TLN2: variants seen among roughly 807,000 people sequenced by gnomAD.
The protein encoded by TLN2 is talin 2.
In TLN2, 118 loss-of-function variants were observed where a neutral mutation model predicts 294.7. That is an observed-to-expected ratio of 0.40 (90% CI 0.34 to 0.47). The LOEUF (loss-of-function observed/expected upper bound fraction) is 0.47. TLN2 is among the 20% of genes least tolerant of loss of function. The probability of loss-of-function intolerance (pLI) is 0.84; values close to 1 mark genes in which losing one functional copy is unlikely to be tolerated. For synonymous variants in TLN2, 1,431 were observed against 1,304.5 expected (o/e 1.10, Z -2.09); for missense variants, 3,083 against 3,282.2 (o/e 0.94, Z 1.48).
chr15:62,560,906 G>A (rs1329545013), intron 1 of TLN2, among the ~76,000 whole-genome samples: 1 of 152,234 alleles, frequency 6.6e-6, no homozygotes, highest in Non-Finnish European at 1.5e-5. Context: ...GGCAACGAGG[G>A]TGCTGCAGAC....
intron 13 of TLN2, among the ~76,000 whole-genome samples, chr15:62,693,967 T>TTTTTTG (rs2058124819): frequency 2.6e-4 from 1 of 3,866 alleles, no homozygotes; most frequent in African/African-American, 2.9e-4. Flanking sequence ...TTTTTTTTTT[T>TTTTTTG]TTTTTTTTTT....
At chr15:62,679,940 TC>T (rs1241048162) in intron 11 of TLN2, among the ~76,000 whole-genome samples, 3 of 152,202 alleles carry the variant, frequency 2.0e-5, no homozygotes, top group African/African-American at 7.2e-5. Flanking sequence ...GTGCTATTCT[TC>T]CTCCATCGAG....
At chr15:62,661,395 C>T (rs2053810733) in intron 9 of TLN2, among the ~76,000 whole-genome samples, 1 of 151,988 alleles carries the variant, frequency 6.6e-6, no homozygotes. Context: ...TGAAAGAAAC[C>T]AGACTTCACA....
Position 62,752,421 on chromosome 15 carries a change from A to G in TLN2, c.4326A>G (p.Ala1442=), listed in dbSNP as rs1309283971. The G allele has an allele frequency of 1.2e-6, 2 of 1,614,032 alleles. No individual in the cohort carries two copies. Among genetic ancestry groups the G allele is most frequent in the Non-Finnish European group, 8.5e-7 (1 of 1,180,018 alleles). The change falls in exon 35 of 59, where the codon GCA becomes GCG. Residue 1442 remains alanine (A), a synonymous_variant. Coordinates refer to ENST00000636159, the MANE Select transcript of TLN2 (RefSeq NM_015059.3). ...SKALCGLTEA[A]AQAAYLVGIS... is the part of the protein sequence containing the mutation. ...CTCTCTGTGGGCTGACAGAGGCTGCAGCCCAGGTAAGGGGCTAGTCCCGAT... is the reference window on the plus strand; with the variant it reads ...CTCTCTGTGGGCTGACAGAGGCTGCGGCCCAGGTAAGGGGCTAGTCCCGAT...
chr15:62,838,975 T>C lies in TLN2; in HGVS notation c.7494T>C (p.Ile2498=). 1 of 1,614,144 alleles carries C rather than the reference T, an allele frequency of 6.2e-7. No homozygotes were observed. Among genetic ancestry groups the C allele is most frequent in the South Asian group, 1.1e-5 (1 of 91,056 alleles). The change falls in exon 58 of 59, where the codon ATT becomes ATC. Residue 2498 remains isoleucine, a synonymous_variant. Coordinates refer to ENST00000636159, the MANE Select transcript of TLN2 (RefSeq NM_015059.3). ...VVVKTKFVGG[I]AQIIAAQEEM... ...TGAAAACCAAGTTTGTGGGGGGCAT[T>C]GCTCAGGTTTGTAATTAAATCAAGA...
At chr15:62,459,370 T>A (rs901738774) in intron 1 of TLN2, among the ~76,000 whole-genome samples, 6 of 150,328 alleles carry the variant, frequency 4.0e-5, no homozygotes, top group Non-Finnish European at 8.8e-5. Flanking sequence ...AGGGCAGACA[T>A]GTGAATAGGA....
chr15:62,762,390 C>G lies in TLN2; in HGVS notation c.4898C>G (p.Ser1633Cys). 1 of 1,614,208 alleles carries G rather than the reference C, an allele frequency of 6.2e-7. No homozygotes were observed. The highest frequency in any genetic ancestry group is 2.2e-5 in the East Asian group (1 of 44,888). The change falls in exon 39 of 59, where the codon TCT becomes TGT. Residue 1633 changes from serine (S) to cysteine (C), a missense_variant. Physicochemically the swap from Ser to Cys is moderately radical, Grantham distance 112 (BLOSUM62 -1). Transcript: ENST00000636159. ...AACCCCAAAGACCCACCCACCTGGT[C>G]TGTACTGGCTGGACATTCCCATACA... ...AINPKDPPTW[S>C]VLAGHSHTVS...
At chr15:62,551,883 A>G (rs958499029) in intron 1 of TLN2, among the ~76,000 whole-genome samples, 49 of 152,256 alleles carry the variant, frequency 3.2e-4, no homozygotes, top group East Asian at 1.2e-3. Context: ...CCACCTAGCA[A>G]TAAAGTATGA....
chr15:62,474,359 T>A (rs746479207), intron 1 of TLN2, among the ~76,000 whole-genome samples: 1 of 152,070 alleles, frequency 6.6e-6, no homozygotes, highest in Non-Finnish European at 1.5e-5. Flanking sequence ...AGGGATAATA[T>A]GGGCCAGTCT....
At chr15:62,766,555 C>T (rs1281047423) in intron 41 of TLN2, 133 bp downstream of exon 41, 15 of 762,204 alleles carry the variant, frequency 2.0e-5, no homozygotes, top group African/African-American at 3.5e-5. Context: ...CTCGTTTAAG[C>T]TGCAGAAAAT....
chr15:62,738,421 T>G, intron 30 of TLN2, 88 bp downstream of exon 30: 1 of 1,447,088 alleles, frequency 6.9e-7, no homozygotes, highest in Non-Finnish European at 9.2e-7. Context: ...ATGAGATCTC[T>G]GAGCAGCTAA....
At chr15:62,693,736 A>AT (rs1479044191) in intron 13 of TLN2, among the ~76,000 whole-genome samples, 2 of 152,110 alleles carry the variant, frequency 1.3e-5, no homozygotes, top group East Asian at 1.9e-4. Flanking sequence ...GTGCATCTTG[A>AT]TTTTTTACTA....
intron 3 of TLN2, among the ~76,000 whole-genome samples, chr15:62,635,440 T>C (rs956807097): frequency 1.3e-5 from 2 of 152,228 alleles, no homozygotes; most frequent in African/African-American, 4.8e-5. Flanking sequence ...GTAAAGAGTT[T>C]ACAATACTGT....
At chr15:62,769,671 A>T (rs1319655347) in intron 41 of TLN2, among the ~76,000 whole-genome samples, 1 of 151,016 alleles carries the variant, frequency 6.6e-6, no homozygotes, top group East Asian at 1.9e-4. Flanking sequence ...ATCATCCTCC[A>T]CCCTCTCCTG....
In TLN2 at chr15:62,491,335, AAAAT is replaced by A. The variant is rs752893689; in HGVS notation, c.-237-98350_-237-98347del. Among the ~76,000 whole-genome samples, 943 of 100,884 alleles carry A rather than the reference AAAAT, an allele frequency of 9.3e-3. 17 individuals carry two copies. Among genetic ancestry groups the A allele is most frequent in the African/African-American group, 0.034 (880 of 25,508 alleles). 66.2% of individuals were successfully genotyped at this position (100,884 alleles called of 152,430 possible). A position where few individuals can be genotyped will look rare whatever the true frequency, so the allele number is the denominator to read the frequency against. ...GAGCAAGACTCTGTCTCAAAAAAAAAAAATATATATATATATACACACACACACA... is the reference window on the plus strand; with the variant it reads ...GAGCAAGACTCTGTCTCAAAAAAAAAATATATATATATACACACACACACA... On this transcript the variant is annotated intron_variant, in intron 1 of 58. Transcript: ENST00000636159.
intron 2 of TLN2, among the ~76,000 whole-genome samples, chr15:62,618,046 G>T (rs1460266526): frequency 6.8e-6 from 1 of 146,204 alleles, no homozygotes; most frequent in Non-Finnish European, 1.5e-5. Context: ...TGATCCTCCC[G>T]CCTTGGCCTC....
At chr15:62,698,974 T>G in intron 16 of TLN2, 107 bp downstream of exon 16, 1 of 1,049,796 alleles carries the variant, frequency 9.5e-7, no homozygotes, top group Non-Finnish European at 1.4e-6. Flanking sequence ...CTAGGTGAAA[T>G]GGAAACCCAT....
At chr15:62,609,870 T>C (rs2047770253) in intron 2 of TLN2, among the ~76,000 whole-genome samples, 2 of 152,366 alleles carry the variant, frequency 1.3e-5, no homozygotes, top group East Asian at 3.9e-4. Context: ...TGTGGACTCA[T>C]GTTTCATATT....
At chr15:62,822,757 CTG>C (rs1197715778) in intron 54 of TLN2, among the ~76,000 whole-genome samples, 1 of 152,132 alleles carries the variant, frequency 6.6e-6, no homozygotes, top group African/African-American at 2.4e-5. Context: ...GTTGCTAGGA[CTG>C]TGTAGCACGA....
Sources: allele counts gnomAD v4.1 joint callset (sites outside exome capture counted in the v4.1 genomes callset), GRCh38; gene constraint gnomAD v4.1.1; transcripts MANE v1.5; gene names NCBI Gene and HGNC (gene_info 2026-07-23, HGNC 2026-07-21).